Variants in HHAT observed in about 807,000 individuals in gnomAD.
The protein encoded by HHAT is protein-cysteine N-palmitoyltransferase HHAT.
Under a neutral mutation model 70.8 loss-of-function variants are expected in HHAT, and 47 were observed. The observed-to-expected ratio is 0.66, with a 90% CI of 0.53 to 0.85. The LOEUF is 0.85. Among genes scored for constraint, HHAT ranks in the 40% least tolerant of loss-of-function variants. The probability of loss-of-function intolerance (pLI) is 0.00; values close to 1 mark genes in which losing one functional copy is unlikely to be tolerated. For synonymous variants in HHAT, 228 were observed against 247.6 expected (o/e 0.92, Z 0.74); for missense variants, 609 against 604.8 (o/e 1.01, Z -0.07).
intron 9 of HHAT, among the ~76,000 whole-genome samples, chr1:210,565,007 T>C (rs545294780): frequency 2.0e-5 from 3 of 152,114 alleles, no homozygotes; most frequent in East Asian, 3.9e-4. Flanking sequence ...AAGACTGGAG[T>C]GCATCTTTAG....
chr1:210,592,133 A>C (rs1262025468), intron 10 of HHAT, among the ~76,000 whole-genome samples: 1 of 152,068 alleles, frequency 6.6e-6, no homozygotes, highest in Non-Finnish European at 1.5e-5. Context: ...AAGTTTCTCC[A>C]GTGTTTTCTT....
intron 1 of HHAT, among the ~76,000 whole-genome samples, chr1:210,346,659 G>C (rs1460743947): frequency 6.6e-6 from 1 of 152,176 alleles, no homozygotes; most frequent in African/African-American, 2.4e-5. Context: ...GGGCACTCTG[G>C]GTGCAAGACT....
At chr1:210,374,090 T>C (rs1170720333) in intron 3 of HHAT, 2 of 152,100 alleles carry the variant, frequency 1.3e-5, no homozygotes, top group Admixed American at 6.6e-5. Flanking sequence ...TGACAATGAA[T>C]CACTTAAGCC....
intron 9 of HHAT, among the ~76,000 whole-genome samples, chr1:210,557,709 A>G (rs1439356543): frequency 6.6e-6 from 1 of 152,194 alleles, no homozygotes; most frequent in Non-Finnish European, 1.5e-5. Context: ...CTTATTCACT[A>G]TCACGAGAAC....
chr1:210,519,588 C>A (rs558895232), intron 9 of HHAT, among the ~76,000 whole-genome samples: 2 of 140,480 alleles, frequency 1.4e-5, no homozygotes, highest in South Asian at 4.6e-4. Context: ...AGTGCAGTGG[C>A]GTGATCATGG....
intron 11 of HHAT, among the ~76,000 whole-genome samples, chr1:210,636,486 C>A (rs1441772659): frequency 1.3e-5 from 2 of 152,200 alleles, no homozygotes; most frequent in African/African-American, 2.4e-5. Context: ...GCAGCACAGT[C>A]TAGACAGACA....
At chr1:210,471,678 C>T (rs144598032) in intron 8 of HHAT, among the ~76,000 whole-genome samples, 2,017 of 152,172 alleles carry the variant, frequency 0.013, 52 homozygotes, top group African/African-American at 0.046. Flanking sequence ...GCAGCAGCAG[C>T]GCGAAGAACA....
intron 8 of HHAT, among the ~76,000 whole-genome samples, chr1:210,508,843 A>T (rs959192294): frequency 6.6e-6 from 1 of 152,244 alleles, no homozygotes; most frequent in African/African-American, 2.4e-5. Flanking sequence ...AAAAACATGA[A>T]CTTGTTTGCT....
In HHAT at chr1:210,674,556, T is replaced by G. The variant is rs972204476; in HGVS notation, c.*177T>G. 1.2e-5 allele frequency: 7 copies of G among 579,890 alleles called. No homozygotes were observed. Among genetic ancestry groups the G allele is most frequent in the African/African-American group, 1.9e-5 (1 of 53,444 alleles). The allele number at this position is 579,890 out of a possible 1,614,324, so 35.9% of individuals were successfully genotyped here. On this transcript the variant is annotated 3_prime_UTR_variant, in exon 12 of 12. Transcript: ENST00000261458. Reference sequence around the variant, plus strand: ...GAAAATTCACAGCCAGACAATCTTCTAATCTGGAGTCTTTGAGATCTTCTA... The same window carrying G: ...GAAAATTCACAGCCAGACAATCTTCGAATCTGGAGTCTTTGAGATCTTCTA...
chr1:210,344,860 G>A (rs1164614541), intron 1 of HHAT, among the ~76,000 whole-genome samples: 3 of 151,744 alleles, frequency 2.0e-5, no homozygotes, highest in African/African-American at 7.3e-5. Context: ...TTGCCAGCCC[G>A]TTCACAAGAT....
chr1:210,441,402 T>C lies in HHAT; in HGVS notation c.856+23077T>C, dbSNP rs191281895. ...TAGAGGTGCTGGTCTGAATGTCAAGTGTCTTTGCCAAAAGAGACCTTGCTC... is the reference window on the plus strand; with the variant it reads ...TAGAGGTGCTGGTCTGAATGTCAAGCGTCTTTGCCAAAAGAGACCTTGCTC... On this transcript the variant is annotated intron_variant, in intron 7 of 11. Transcript: ENST00000261458. Among the ~76,000 whole-genome samples the C allele has an allele frequency of 2.9e-3, 436 of 152,346 alleles. 1 individual carries two copies. The highest frequency in any genetic ancestry group is 4.7e-3 in the Non-Finnish European group (319 of 68,038).
At chr1:210,500,508 C>T (rs1229947511) in intron 8 of HHAT, among the ~76,000 whole-genome samples, 1 of 152,086 alleles carries the variant, frequency 6.6e-6, no homozygotes, top group Non-Finnish European at 1.5e-5. Context: ...ATCTTGGGTG[C>T]AGTTTACTCT....
intron 9 of HHAT, among the ~76,000 whole-genome samples, chr1:210,527,595 AAAAT>A (rs1406095693): frequency 3.3e-5 from 5 of 152,180 alleles, no homozygotes; most frequent in African/African-American, 4.8e-5. Context: ...CACCTTTAAA[AAAAT>A]AAATAAATAA....
At chr1:210,383,964 A>T (rs717659) in intron 3 of HHAT, among the ~76,000 whole-genome samples, 1 of 151,872 alleles carries the variant, frequency 6.6e-6, no homozygotes, top group African/African-American at 2.4e-5. Context: ...GTGTGTCTTC[A>T]TTGTGGGGTG....
intron 7 of HHAT, among the ~76,000 whole-genome samples, chr1:210,433,972 G>T (rs2093317371): frequency 6.6e-6 from 1 of 151,874 alleles, no homozygotes; most frequent in South Asian, 2.1e-4. Flanking sequence ...ACCTGCATTA[G>T]ACATATCTTA....
chr1:210,469,187 C>T (rs773334189), intron 8 of HHAT, among the ~76,000 whole-genome samples: 4 of 151,952 alleles, frequency 2.6e-5, no homozygotes, highest in South Asian at 4.2e-4. Flanking sequence ...AGCTCTGCAC[C>T]GGAGATGTGA....
At chr1:210,593,951 C>A (rs1286702491) in intron 10 of HHAT, among the ~76,000 whole-genome samples, 1 of 151,992 alleles carries the variant, frequency 6.6e-6, no homozygotes, top group African/African-American at 2.4e-5. Context: ...TAGTTTTTAT[C>A]TTGAAATCTA....
At chr1:210,502,383 C>CAAAAAAAAAAAAAAAAA (rs1177468677) in intron 8 of HHAT, among the ~76,000 whole-genome samples, 2 of 87,030 alleles carry the variant, frequency 2.3e-5, no homozygotes, top group Non-Finnish European at 4.4e-5. Flanking sequence ...GACTCAGTCT[C>CAAAAAAAAAAAAAAAAA]AAAAAAAAAA....
chr1:210,410,652 G>T (rs556478639), intron 6 of HHAT, among the ~76,000 whole-genome samples: 1 of 150,368 alleles, frequency 6.7e-6, no homozygotes, highest in Admixed American at 6.6e-5. Flanking sequence ...TCAGCCTCCC[G>T]AGTAGCTGGG....
Sources: gnomAD v4.1 joint callset for allele counts (sites outside exome capture counted in the v4.1 genomes callset) on GRCh38, gnomAD v4.1.1 for gene constraint, MANE v1.5 for transcripts, NCBI Gene and HGNC (gene_info 2026-07-23, HGNC 2026-07-21) for gene names.